ASTN1: variants seen among roughly 807,000 people sequenced by gnomAD.
ASTN1 encodes astrotactin-1.
In ASTN1, 41 loss-of-function variants were observed where a neutral mutation model predicts 140.7. That is an observed-to-expected ratio of 0.29 (90% CI 0.23 to 0.38). The LOEUF (loss-of-function observed/expected upper bound fraction) is 0.38. Ranked by LOEUF, ASTN1 falls within the 10% of genes least tolerant of loss-of-function variation. ASTN1 has a pLI of 1.00. For synonymous variants in ASTN1, 640 were observed against 652.2 expected (o/e 0.98, Z 0.29); for missense variants, 1,479 against 1,678.8 (o/e 0.88, Z 2.08).
chr1:177,023,717 G>A, intron 6 of ASTN1, 146 bp from the exon 7 acceptor site: 2 of 955,182 alleles, frequency 2.1e-6, no homozygotes, highest in Admixed American at 3.8e-5. Flanking sequence ...ATTAGCCCCA[G>A]AGCAAGGGAT....
chr1:176,961,825 G>A (rs1672677932), intron 9 of ASTN1, among the ~76,000 whole-genome samples: 1 of 152,170 alleles, frequency 6.6e-6, no homozygotes, highest in African/African-American at 2.4e-5. Context: ...GAGAAGCTGG[G>A]TGAGCATCTA....
chr1:177,113,495 C>G (rs983381845), intron 1 of ASTN1, among the ~76,000 whole-genome samples: 4 of 152,188 alleles, frequency 2.6e-5, no homozygotes, highest in African/African-American at 9.7e-5. Context: ...TTGTTATCCT[C>G]CTTGCCTTCT....
chr1:177,023,996 A>G (rs1360859193), intron 6 of ASTN1, among the ~76,000 whole-genome samples: 1 of 152,146 alleles, frequency 6.6e-6, no homozygotes. Context: ...AACAGTCCCC[A>G]CCTGTTTCCA....
chr1:176,874,334 C>G (rs1668473637), intron 21 of ASTN1, among the ~76,000 whole-genome samples: 1 of 152,164 alleles, frequency 6.6e-6, no homozygotes, highest in South Asian at 2.1e-4. Context: ...AGCACTCACT[C>G]CAGAGGGTCT....
chr1:177,150,363 T>G (rs1325380934), intron 1 of ASTN1, among the ~76,000 whole-genome samples: 2 of 152,106 alleles, frequency 1.3e-5, no homozygotes, highest in Admixed American at 1.3e-4. Context: ...ATCTCAGCAT[T>G]CAGTCTGGGG....
At chr1:177,124,538 A>G (rs1031120409) in intron 1 of ASTN1, among the ~76,000 whole-genome samples, 3 of 152,162 alleles carry the variant, frequency 2.0e-5, no homozygotes, top group African/African-American at 7.2e-5. Context: ...CTTAGATTTT[A>G]GCTTGGGAGG....
At chr1:176,926,760 C>T (rs920342901) in intron 16 of ASTN1, among the ~76,000 whole-genome samples, 8 of 152,130 alleles carry the variant, frequency 5.3e-5, no homozygotes, top group African/African-American at 9.7e-5. Flanking sequence ...AACATAAAGC[C>T]GTATAGAAAT....
intron 1 of ASTN1, among the ~76,000 whole-genome samples, chr1:177,103,945 T>C (rs1680419801): frequency 1.3e-5 from 2 of 152,274 alleles, no homozygotes; most frequent in East Asian, 1.9e-4. Context: ...AGCAGATCCC[T>C]AGGCCAACTC....
In ASTN1 at chr1:176,884,401, A is replaced by G; in HGVS notation, c.3164T>C (p.Val1055Ala). 6.2e-7 allele frequency: 1 copy of G among 1,614,188 alleles called. No homozygotes were observed. The highest frequency in any genetic ancestry group is 1.3e-5 in the African/African-American group (1 of 75,048). ...TTTCTCTTGACGGAGGAGGTAATCT[A>G]CAATCTGCACCCCGATTGGTGGCTC... Reference protein sequence around the residue: ...HSEPPIGVQIVDYLLRQEKVT... With the variant: ...HSEPPIGVQIADYLLRQEKVT... Residue 1055 changes from valine (V) to alanine (A), a missense_variant, in exon 19 of 23, where the codon GTA becomes GCA. Around this residue, in one of 3 missense-constraint regions of ASTN1, gnomAD observed 746 missense variants for 800.9 expected, o/e 0.93. Coordinates refer to ENST00000361833, the MANE Select transcript of ASTN1 (RefSeq NM_004319.3).
At position 176,942,663 on chromosome 1, in the gene ASTN1, C is replaced by T. The variant is rs187048343; in HGVS notation, c.2377+1228G>A. On this transcript the variant is annotated intron_variant, in intron 14 of 22. Coordinates refer to ENST00000361833, the MANE Select transcript of ASTN1 (RefSeq NM_004319.3). ...ACTGAGATAATTGCATATCTGATTG[C>T]CTCCTTTGGAAAGGCTAATCAGAAA... 2.9e-3 allele frequency among the ~76,000 whole-genome samples: 439 copies of T among 151,184 alleles called. 2 individuals are homozygous for T. Among genetic ancestry groups the T allele is most frequent in the African/African-American group, 0.01 (421 of 41,266 alleles).
rs574371673 is a variant in ASTN1 at position 177,032,068 on chromosome 1, T to G, written c.865+388A>C. Among the ~76,000 whole-genome samples the G allele has an allele frequency of 7.9e-5, 12 of 152,288 alleles. No homozygotes were observed. The South Asian group carries it at 2.5e-3, about 32-fold the overall frequency. ...GATACCACTGTCCCCTCCGCTTCAA[T>G]GGAGAATTAAATTGCCTAAGCAAGT... On this transcript the variant is annotated intron_variant, in intron 3 of 22. Coordinates refer to ENST00000361833, the MANE Select transcript of ASTN1 (RefSeq NM_004319.3).
At position 177,090,720 on chromosome 1, in the gene ASTN1, C is replaced by T. The variant is rs571079498; in HGVS notation, c.284-29455G>A. Among the ~76,000 whole-genome samples the T allele has an allele frequency of 7.6e-4, 116 of 152,280 alleles. 1 individual carries two copies. The highest frequency in any genetic ancestry group is 6.8e-3 in the Middle Eastern group (2 of 294). ...ATGCTCTCTACATTGAGTCAAAGTA[C>T]CTCTTCTCTGAGGCTTCAATGTGTA... On this transcript the variant is annotated intron_variant, in intron 1 of 22. Coordinates refer to ENST00000361833, the MANE Select transcript of ASTN1 (RefSeq NM_004319.3).
At chr1:177,029,781 T>C (rs373034019) in intron 4 of ASTN1, 40 bp from the exon 5 acceptor site, 521 of 1,560,656 alleles carry the variant, frequency 3.3e-4, no homozygotes, top group Non-Finnish European at 3.6e-4. Context: ...CGTTTTCAGT[T>C]CTGGTTTCAT....
At chr1:177,019,342 AT>A (rs1571658388) in intron 7 of ASTN1, among the ~76,000 whole-genome samples, 1 of 152,028 alleles carries the variant, frequency 6.6e-6, no homozygotes, top group Admixed American at 6.6e-5. Context: ...ACCGAAAACC[AT>A]TTTTTTCCTA....
intron 1 of ASTN1, among the ~76,000 whole-genome samples, chr1:177,144,653 G>T (rs1682641623): frequency 6.7e-6 from 1 of 149,870 alleles, no homozygotes; most frequent in African/African-American, 2.5e-5. Flanking sequence ...AGGAACCACA[G>T]CTTTAAAATT....
intron 8 of ASTN1, among the ~76,000 whole-genome samples, chr1:176,968,714 G>A (rs1346944023): frequency 2.0e-5 from 3 of 152,204 alleles, no homozygotes; most frequent in South Asian, 4.1e-4. Flanking sequence ...TATTTGTGGA[G>A]GCCTATTGTG....
chr1:177,142,633 GA>G (rs1682524281), intron 1 of ASTN1, among the ~76,000 whole-genome samples: 1 of 152,020 alleles, frequency 6.6e-6, no homozygotes, highest in Non-Finnish European at 1.5e-5. Flanking sequence ...AAAAATGAGG[GA>G]AAGGAAGAGG....
intron 16 of ASTN1, among the ~76,000 whole-genome samples, chr1:176,901,293 C>A (rs1395781851): frequency 1.3e-5 from 2 of 152,156 alleles, no homozygotes; most frequent in Non-Finnish European, 2.9e-5. Flanking sequence ...ATCATTAATT[C>A]CCTTGGGATG....
At chr1:176,873,300 G>A (rs988074294) in intron 21 of ASTN1, among the ~76,000 whole-genome samples, 1 of 152,140 alleles carries the variant, frequency 6.6e-6, no homozygotes, top group Non-Finnish European at 1.5e-5. Context: ...CTGACCTAGA[G>A]TCTAGCCAAG....
Sources: gnomAD v4.1 joint callset for allele counts (sites outside exome capture counted in the v4.1 genomes callset) on GRCh38, gnomAD v4.1.1 for gene constraint, gnomAD v4.1.1 regional missense constraint, MANE v1.5 for transcripts, NCBI Gene and HGNC (gene_info 2026-07-23, HGNC 2026-07-21) for gene names.